TYK2: variants seen among roughly 807,000 people sequenced by gnomAD.
The protein encoded by TYK2 is non-receptor tyrosine-protein kinase TYK2.
TYK2 carries 65 observed loss-of-function variants against 130.9 expected under a neutral mutation model. The observed-to-expected ratio is 0.50, with a 90% CI of 0.41 to 0.61. The LOEUF (loss-of-function observed/expected upper bound fraction) is 0.61, where lower values mean the gene tolerates loss of function less well. TYK2 is among the 20% of genes least tolerant of loss of function. The probability of loss-of-function intolerance (pLI) is 0.00; values close to 1 mark genes in which losing one functional copy is unlikely to be tolerated. For synonymous variants in TYK2, 647 were observed against 658.9 expected (o/e 0.98, Z 0.28); for missense variants, 1,378 against 1,610.7 (o/e 0.86, Z 2.47).
intron 1 of TYK2, among the ~76,000 whole-genome samples, 163 bp from the exon 2 acceptor site, chr19:10,379,942 A>G (rs530110794): frequency 1.1e-4 from 16 of 152,244 alleles, no homozygotes; most frequent in African/African-American, 3.8e-4. Context: ...AAAGCCTAGG[A>G]GAGTTTATGT....
intron 11 of TYK2, 27 bp from the exon 12 acceptor site, chr19:10,362,208 G>A: frequency 1.2e-6 from 2 of 1,613,972 alleles, no homozygotes; most frequent in South Asian, 2.2e-5. Context: ...AGTCATGGAG[G>A]GCGGGCCTGG....
intron 3 of TYK2, among the ~76,000 whole-genome samples, chr19:10,371,744 A>G (rs968607719): frequency 3.3e-5 from 5 of 152,194 alleles, no homozygotes; most frequent in African/African-American, 1.2e-4. Flanking sequence ...ATGCAGAATG[A>G]CATGAGTAAT....
chr19:10,368,486 G>C (rs2145277143), intron 3 of TYK2, 68 bp from the exon 4 acceptor site: 2 of 1,609,634 alleles, frequency 1.2e-6, no homozygotes, highest in South Asian at 2.2e-5. Flanking sequence ...AGACCCCCCA[G>C]ACCCAATGTC....
rs200472642 is a variant in TYK2 at position 10,356,574 on chromosome 19, G to A, written c.2611C>T (p.Pro871Ser). ...GCACTGGGATGGAGCTCACTGTGGG[G>A]CTGCAGCCGGGTGAGGTCACGCAGG... is the stretch of plus-strand genomic sequence containing the variant. Reference protein sequence around the residue: ...TILRDLTRLQPHNLADVLTVN... With the variant: ...TILRDLTRLQSHNLADVLTVN... The change falls in exon 18 of 25, where the codon CCC (proline) becomes TCC (serine). Residue 871 changes from proline (P) to serine (S), a missense_variant. Transcript: ENST00000525621. 228 of 1,612,976 alleles carry A rather than the reference G, an allele frequency of 1.4e-4. 1 individual carries two copies. The highest frequency in any genetic ancestry group is 7.6e-6 in the Non-Finnish European group (9 of 1,180,000).
At chr19:10,366,778 C>T (rs1287725298) in intron 5 of TYK2, among the ~76,000 whole-genome samples, 198 bp from the exon 6 acceptor site, 1 of 150,736 alleles carries the variant, frequency 6.6e-6, no homozygotes, top group Non-Finnish European at 1.5e-5. Flanking sequence ...GGCATGGTGG[C>T]TCACGCCTAT....
Position 10,357,992 on chromosome 19 carries a change from C to G in TYK2, c.2311+11G>C, listed in dbSNP as rs12720299. 221,030 of 1,613,420 alleles carry G rather than the reference C, an allele frequency of 0.14. 16,071 individuals carry two copies. The highest frequency in any genetic ancestry group is 0.15 in the South Asian group (13,626 of 91,086). On this transcript the variant is annotated intron_variant, in intron 16 of 24. Transcript: ENST00000525621. ...GCCCCCCACTGTGCCCAGGTCCCCT[C>G]AGGTACTCACCCTCCCTGGAGAGGG...
At chr19:10,359,911 T>C (rs2041310528) in intron 14 of TYK2, among the ~76,000 whole-genome samples, 1 of 151,496 alleles carries the variant, frequency 6.6e-6, no homozygotes, top group African/African-American at 2.4e-5. Flanking sequence ...CCCAGCTACT[T>C]GGGAGGCTGA....
chr19:10,352,479 C>A lies in TYK2; in HGVS notation c.3273G>T (p.Leu1091=), dbSNP rs1599325637. ...ASDVWSFGVT[L]YELLTHCDSS... is the part of the protein sequence containing the mutation. ...AGTCACAGTGCGTCAGCAGCTCATA[C>A]AGGGTCACCCCGAAGGACCAGACAT... Residue 1091 remains leucine (L), a synonymous_variant, in exon 23 of 25, where the codon CTG becomes CTT. Coordinates refer to ENST00000525621, the MANE Select transcript of TYK2 (RefSeq NM_003331.5). The A allele has an allele frequency of 6.2e-7, 1 of 1,609,298 alleles. No individual in the cohort carries two copies. Among genetic ancestry groups the A allele is most frequent in the Admixed American group, 1.7e-5 (1 of 59,334 alleles).
rs558517290 is a variant in TYK2 at position 10,366,936 on chromosome 19, C to T, written c.466-356G>A. ...GCGCATGTCTGTAATCCCAGCTACT[C>T]CGGAGGCTGAGGCAGGAGAATCACT... On this transcript the variant is annotated intron_variant, in intron 5 of 24. Coordinates refer to ENST00000525621, the MANE Select transcript of TYK2 (RefSeq NM_003331.5). 4.1e-3 allele frequency among the ~76,000 whole-genome samples: 617 copies of T among 151,394 alleles called. 5 individuals are homozygous for T. Among genetic ancestry groups the T allele is most frequent in the African/African-American group, 0.014 (581 of 41,228 alleles).
chr19:10,351,830 C>T (rs1326809843), intron 23 of TYK2, among the ~76,000 whole-genome samples: 1 of 152,016 alleles, frequency 6.6e-6, no homozygotes, highest in Non-Finnish European at 1.5e-5. Context: ...CCTTCGCCTA[C>T]CGGGTTCAAG....
At chr19:10,379,995 CGCCAGTATGGAAGTGGAGGG>C (rs1287508935) in intron 1 of TYK2, among the ~76,000 whole-genome samples, 2 of 152,104 alleles carry the variant, frequency 1.3e-5, no homozygotes, top group African/African-American at 4.8e-5. Context: ...CTCCTGAGGG[CGCCAGTATGGAAGTGGAGGG>C]GCTGTCACTT....
At chr19:10,376,371 G>C (rs2042121673) in intron 3 of TYK2, among the ~76,000 whole-genome samples, 2 of 127,496 alleles carry the variant, frequency 1.6e-5, no homozygotes, top group Non-Finnish European at 3.2e-5. Context: ...GCAGTGCTGT[G>C]ATCTCGGCTC....
At chr19:10,370,526 AAT>A (rs1317703548) in intron 3 of TYK2, among the ~76,000 whole-genome samples, 1 of 149,842 alleles carries the variant, frequency 6.7e-6, no homozygotes, top group Non-Finnish European at 1.5e-5. Flanking sequence ...AAAAAAAAAA[AAT>A]GGTATCTGGC....
chr19:10,356,935 G>T, intron 17 of TYK2: 1 of 598,508 alleles, frequency 1.7e-6, no homozygotes, highest in Admixed American at 2.7e-5. Flanking sequence ...TGCAGAGCTG[G>T]AGTGTCACAG....
chr19:10,374,474 A>G (rs1469032400), intron 3 of TYK2, among the ~76,000 whole-genome samples: 2 of 134,882 alleles, frequency 1.5e-5, no homozygotes. Flanking sequence ...AATCCCAGCT[A>G]CTCAGGAGGC....
intron 3 of TYK2, among the ~76,000 whole-genome samples, chr19:10,376,759 G>A (rs1028373896): frequency 4.0e-5 from 6 of 151,626 alleles, no homozygotes; most frequent in Admixed American, 1.3e-4. Flanking sequence ...CGCACCCCAC[G>A]CCCGGCTAGT....
chr19:10,354,463 C>T (rs753234868), intron 19 of TYK2, 49 bp downstream of exon 19: 3 of 1,561,320 alleles, frequency 1.9e-6, no homozygotes, highest in East Asian at 2.2e-5. Context: ...AACCCCCAAA[C>T]TCCTTCCCGA....
In TYK2 at chr19:10,379,601, G is replaced by A. The variant is rs1289833318; in HGVS notation, c.-21+14C>T. 1 of 152,026 alleles carries A rather than the reference G, an allele frequency of 6.6e-6. No homozygotes were observed. The highest frequency in any genetic ancestry group is 1.5e-5 in the Non-Finnish European group (1 of 68,018). 9.4% of individuals were successfully genotyped at this position (152,026 alleles called of 1,614,324 possible). On this transcript the variant is annotated intron_variant, in intron 2 of 24. Coordinates refer to ENST00000525621, the MANE Select transcript of TYK2 (RefSeq NM_003331.5). ...CCCCAAAATAACCAGACAGGCAGAT[G>A]TGGTCAAACATACCTGAGGGTGAGT...
At position 10,350,934 on chromosome 19, in the gene TYK2, T is replaced by A. The variant is rs1348367985; in HGVS notation, c.3464A>T (p.Glu1155Val). The change falls in exon 25 of 25, where the codon GAG becomes GTG. Residue 1155 changes from glutamate to valine, a missense_variant. Coordinates refer to ENST00000525621, the MANE Select transcript of TYK2 (RefSeq NM_003331.5). ...CTCGAAGGTTGGGCGAAAGGACGCC[T>A]CTGTCTCCCAGCAGTTCTTCATGAG... ...YHLMKNCWET[E>V]ASFRPTFENL... The A allele has an allele frequency of 6.2e-6, 10 of 1,614,106 alleles. No individual in the cohort carries two copies. The highest frequency in any genetic ancestry group is 8.5e-6 in the Non-Finnish European group (10 of 1,180,046).
Sources: gnomAD v4.1 joint callset for allele counts (sites outside exome capture counted in the v4.1 genomes callset) on GRCh38, gnomAD v4.1.1 for gene constraint, MANE v1.5 for transcripts, NCBI Gene and HGNC (gene_info 2026-07-23, HGNC 2026-07-21) for gene names.